The following RAB31 variants were observed in gnomAD, a reference collection of about 807,000 sequenced individuals.
RAB31 encodes the protein ras-related protein Rab-31.
A neutral mutation model predicts 25.6 loss-of-function variants in RAB31; 21 were observed. The observed-to-expected ratio is 0.82, with a 90% CI of 0.58 to 1.18. RAB31 has a LOEUF of 1.18. Ranked by LOEUF, RAB31 falls within the 50% of genes most tolerant of loss-of-function variation. The pLI, the probability that RAB31 is intolerant of heterozygous loss-of-function variation, is 0.00. For missense variants in RAB31, 196 were observed against 250.1 expected (o/e 0.78, Z 1.46); for synonymous variants, 87 against 84.0 (o/e 1.04, Z -0.20).
At chr18:9,776,536 T>G (rs2145491499) in intron 2 of RAB31, among the ~76,000 whole-genome samples, 1 of 152,190 alleles carries the variant, frequency 6.6e-6, no homozygotes, top group African/African-American at 2.4e-5. Flanking sequence ...CTCATGAAAA[T>G]ATCAAGAATT....
intron 1 of RAB31, chr18:9,723,511 A>G (rs1233254941): frequency 6.6e-6 from 1 of 152,248 alleles, no homozygotes. Context: ...TTCATAGATT[A>G]ATCTTAGCAA....
chr18:9,845,796 A>G, intron 6 of RAB31, 105 bp downstream of exon 6: 1 of 1,402,522 alleles, frequency 7.1e-7, no homozygotes, highest in Non-Finnish European at 9.3e-7. Context: ...CTCTGTGTGA[A>G]TTTATCGGAT....
rs140084430 is a variant in RAB31 at position 9,841,265 on chromosome 18, C to T, written c.381-4317C>T. 1.1e-3 allele frequency among the ~76,000 whole-genome samples: 164 copies of T among 150,548 alleles called. 2 individuals are homozygous for T. The East Asian group carries it at 0.021, about 19-fold the overall frequency. ...GTTTAAAGATCTCAATTGGGCCAGGCGCAGTGGCTCACACCTGTAATCCCA... is the reference window on the plus strand; with the variant it reads ...GTTTAAAGATCTCAATTGGGCCAGGTGCAGTGGCTCACACCTGTAATCCCA... On this transcript the variant is annotated intron_variant, in intron 5 of 6. Transcript: ENST00000578921.
At chr18:9,743,447 A>G (rs1767543022) in intron 1 of RAB31, among the ~76,000 whole-genome samples, 1 of 152,178 alleles carries the variant, frequency 6.6e-6, no homozygotes, top group African/African-American at 2.4e-5. Flanking sequence ...ATTTAAAGTT[A>G]CTGTTATTTT....
intron 2 of RAB31, among the ~76,000 whole-genome samples, chr18:9,776,202 C>T (rs1408723556): frequency 6.6e-6 from 1 of 152,224 alleles, no homozygotes; most frequent in Non-Finnish European, 1.5e-5. Context: ...TCCTGTTCAT[C>T]TCCCCTTTCC....
chr18:9,724,043 G>A (rs546409917), intron 1 of RAB31, among the ~76,000 whole-genome samples: 88 of 151,888 alleles, frequency 5.8e-4, no homozygotes, highest in African/African-American at 1.6e-3. Context: ...AGGCCGAGGC[G>A]GGCAGATCAC....
At chr18:9,743,822 G>C (rs548498490) in intron 1 of RAB31, among the ~76,000 whole-genome samples, 1 of 152,220 alleles carries the variant, frequency 6.6e-6, no homozygotes, top group Non-Finnish European at 1.5e-5. Flanking sequence ...TCTTTTGATT[G>C]TTGGTCTCAG....
In RAB31 at chr18:9,848,349, CGTCT is replaced by C. The variant is rs776212041; in HGVS notation, c.490+2659_490+2662del. 2.9e-4 allele frequency among the ~76,000 whole-genome samples: 44 copies of C among 151,920 alleles called. 2 individuals are homozygous for C. Among genetic ancestry groups the C allele is most frequent in the South Asian group, 4.2e-4 (2 of 4,802 alleles). The stretch of plus-strand genomic sequence containing the variant: ...CTGTCCATCTGTCTATCCATCTGTC[CGTCT>C]ATCTATCTATTCATCTGTACATCTG... On this transcript the variant is annotated intron_variant, in intron 6 of 6. Transcript: ENST00000578921.
chr18:9,711,908 G>C (rs1350782189), intron 1 of RAB31, among the ~76,000 whole-genome samples: 1 of 152,248 alleles, frequency 6.6e-6, no homozygotes, highest in East Asian at 1.9e-4. Flanking sequence ...TTGGGGACAT[G>C]CTTCGCATTT....
chr18:9,831,903 G>T (rs2068680412), intron 5 of RAB31, among the ~76,000 whole-genome samples: 3 of 152,212 alleles, frequency 2.0e-5, no homozygotes, highest in Admixed American at 2.0e-4. Flanking sequence ...GTGGCCAGTT[G>T]TGGCTCACAG....
intron 3 of RAB31, among the ~76,000 whole-genome samples, chr18:9,801,616 C>T (rs2068514316): frequency 2.0e-5 from 3 of 152,102 alleles, no homozygotes; most frequent in Admixed American, 1.3e-4. Context: ...AGGTATGTAT[C>T]TAGAAGTGAA....
intron 6 of RAB31, among the ~76,000 whole-genome samples, chr18:9,857,408 C>T (rs146183800): frequency 1.3e-3 from 200 of 152,170 alleles, no homozygotes; most frequent in African/African-American, 4.6e-3. Flanking sequence ...CAGGGCCCAG[C>T]GCATAGTCAG....
intron 1 of RAB31, among the ~76,000 whole-genome samples, chr18:9,749,829 T>G (rs1250033265): frequency 6.6e-6 from 1 of 152,192 alleles, no homozygotes; most frequent in African/African-American, 2.4e-5. Context: ...AGAAAAGTCC[T>G]CGTTGTTCCT....
At position 9,807,574 on chromosome 18, in the gene RAB31, TG is replaced by T. The variant is rs567842144; in HGVS notation, c.202-6443del. On this transcript the variant is annotated intron_variant, in intron 3 of 6. Transcript: ENST00000578921. ...CGTTCACTGCCCTTGGACGATTTCA[TG>T]GGTGGGAAAAAATGCATTTCTACAG... is the stretch of plus-strand genomic sequence containing the variant. Among the ~76,000 whole-genome samples, 152 of 152,256 alleles carry T rather than the reference TG, an allele frequency of 1.0e-3. 1 individual carries two copies. The highest frequency in any genetic ancestry group is 3.6e-3 in the African/African-American group (150 of 41,552).
chr18:9,708,612 G>A lies in RAB31; in HGVS notation c.39+168G>A. Reference sequence around the variant, plus strand: ...CCCCCTGGTTCCCCGGGTCCCCCTGGCTCCCCTAGTCCGTGCGCCCCTCGC... The same window carrying A: ...CCCCCTGGTTCCCCGGGTCCCCCTGACTCCCCTAGTCCGTGCGCCCCTCGC... On this transcript the variant is annotated intron_variant, in intron 1 of 6. Transcript: ENST00000578921. This position sits in a 1 kb window ranked among gnomAD's most constrained non-coding sequence, Gnocchi z 6.4. 6.8e-6 allele frequency among the ~76,000 whole-genome samples: 1 copy of A among 147,978 alleles called. No homozygotes were observed. The highest frequency in any genetic ancestry group is 6.7e-5 in the Admixed American group (1 of 14,964).
intron 1 of RAB31, 97 bp from the exon 2 acceptor site, chr18:9,775,181 C>T: frequency 1.3e-6 from 2 of 1,574,682 alleles, no homozygotes; most frequent in South Asian, 1.1e-5. Flanking sequence ...CCAGAAATAG[C>T]CAGTCGTGTC....
intron 1 of RAB31, among the ~76,000 whole-genome samples, chr18:9,727,546 C>A (rs1350928176): frequency 2.0e-5 from 3 of 152,126 alleles, no homozygotes; most frequent in African/African-American, 7.2e-5. Flanking sequence ...GAACTCCTGG[C>A]CTCAAGGGAT....
intron 3 of RAB31, among the ~76,000 whole-genome samples, chr18:9,808,729 G>A (rs2068554808): frequency 6.6e-6 from 1 of 152,184 alleles, no homozygotes; most frequent in Admixed American, 6.5e-5. Context: ...GAGCCTGAGC[G>A]ACTCAACAGG....
intron 5 of RAB31, among the ~76,000 whole-genome samples, chr18:9,843,505 C>A (rs2068744639): frequency 6.7e-6 from 1 of 148,834 alleles, no homozygotes; most frequent in Non-Finnish European, 1.5e-5. Flanking sequence ...GAGATCATGC[C>A]ACTGCACTCC....
Sources: gnomAD v4.1 joint callset for allele counts (sites outside exome capture counted in the v4.1 genomes callset) on GRCh38, gnomAD v4.1.1 for gene constraint, Gnocchi (gnomAD v3.1) non-coding constraint, MANE v1.5 for transcripts, NCBI Gene and HGNC (gene_info 2026-07-23, HGNC 2026-07-21) for gene names.